Variants in BBS1 observed in about 807,000 individuals in gnomAD.
The protein encoded by BBS1 is Bardet-Biedl syndrome 1.
Under a neutral mutation model 73.9 loss-of-function variants are expected in BBS1, and 60 were observed. The ratio of observed to expected loss-of-function variants is 0.81; its 90% confidence interval spans 0.66 to 1.01. The LOEUF is 1.01. Ranked by LOEUF, BBS1 falls within the 50% of genes least tolerant of loss-of-function variation. The probability of loss-of-function intolerance (pLI) is 0.00; values close to 1 mark genes in which losing one functional copy is unlikely to be tolerated. For missense variants in BBS1, 718 were observed against 770.3 expected (o/e 0.93, Z 0.80); for synonymous variants, 283 against 317.4 (o/e 0.89, Z 1.15).
At position 66,532,173 on chromosome 11, in the gene BBS1, T is replaced by C; in HGVS notation, c.*136T>C. ...TCCCCTCTCTTAAGCACCCGCTTCC[T>C]CACCACCCCCACTGTTGGGCCTATA... On this transcript the variant is annotated 3_prime_UTR_variant, in exon 17 of 17. Transcript: ENST00000318312. 2 of 916,940 alleles carry C rather than the reference T, an allele frequency of 2.2e-6. No individual in the cohort carries two copies. The highest frequency in any genetic ancestry group is 2.4e-5 in the Admixed American group (1 of 41,788). The allele number at this position is 916,940 out of a possible 1,614,324, so 56.8% of individuals were successfully genotyped here. A position where few individuals can be genotyped will look rare whatever the true frequency, so the allele number is the denominator to read the frequency against.
In BBS1 at chr11:66,529,926, C is replaced by G. The variant is rs745656125; in HGVS notation, c.1447C>G (p.Arg483Gly). The change falls in exon 14 of 17, where the codon CGA (arginine) becomes GGA (glycine). Residue 483 changes from arginine (R) to glycine (G), a missense_variant. Transcript: ENST00000318312. ...CCTGAGCCCCCTGTCCACGACAGCC[C>G]GAGAGCCACTCAAGCTGCACGCCGT... ...SSLSPLSTTA[R>G]EPLKLHAVVQ... is the part of the protein sequence containing the mutation. 4 of 1,604,936 alleles carry G rather than the reference C, an allele frequency of 2.5e-6. No homozygotes were observed. The highest frequency in any genetic ancestry group is 3.4e-6 in the Non-Finnish European group (4 of 1,179,678).
intron 7 of BBS1, among the ~76,000 whole-genome samples, chr11:66,517,214 AAAAC>A (rs1485803141): frequency 6.6e-5 from 10 of 151,374 alleles, no homozygotes; most frequent in African/African-American, 2.4e-4. Context: ...AAAAAACCAA[AAAAC>A]AAAAAAAAAA....
chr11:66,515,824 G>A (rs1377388791), intron 6 of BBS1, 37 bp from the exon 7 acceptor site: 5 of 1,613,980 alleles, frequency 3.1e-6, no homozygotes, highest in African/African-American at 1.3e-5. Context: ...GGGCAGCGAG[G>A]CCGGGGCCTG....
At chr11:66,511,960 T>G (rs2134767147) in intron 3 of BBS1, among the ~76,000 whole-genome samples, 1 of 148,496 alleles carries the variant, frequency 6.7e-6, no homozygotes, top group East Asian at 1.9e-4. Flanking sequence ...ACCATGCCAC[T>G]ACACTCCAGC....
In BBS1 at chr11:66,526,666, A is replaced by G. The variant is rs1421044140; in HGVS notation, c.1198A>G (p.Lys400Glu). 6.2e-7 allele frequency: 1 copy of G among 1,614,230 alleles called. No individual in the cohort carries two copies. Residue 400 changes from lysine to glutamate, a missense_variant, in exon 13 of 17, where the codon AAG becomes GAG. Physicochemically the swap from Lys to Glu is moderately conservative, Grantham distance 56. Transcript: ENST00000318312. ...TTCCCTAGGTGGTGGCCTGATCATC[A>G]AGATCCTGAAGCGTACAGCAGTGTT... ...MTTRGGGLII[K>E]ILKRTAVFVE...
rs891087059 is a variant in BBS1, at chr11:66,532,265, C to A, written c.*228C>A. On this transcript the variant is annotated 3_prime_UTR_variant, in exon 17 of 17. Coordinates refer to ENST00000318312, the MANE Select transcript of BBS1 (RefSeq NM_024649.5). ...ACAGCACCAACCCAGCATGGTCCCA[C>A]TGAAGTCCTACTACGCCCTCCCCTC... 1.7e-6 allele frequency: 1 copy of A among 582,134 alleles called. No homozygotes were observed. The highest frequency in any genetic ancestry group is 1.9e-5 in the African/African-American group (1 of 53,608). The allele number at this position is 582,134 out of a possible 1,614,324, so 36.1% of individuals were successfully genotyped here. A position where few individuals can be genotyped will look rare whatever the true frequency, so the allele number is the denominator to read the frequency against.
intron 3 of BBS1, among the ~76,000 whole-genome samples, chr11:66,512,052 G>GTGTATATATA (rs1246765280): frequency 6.9e-6 from 1 of 144,770 alleles, no homozygotes; most frequent in South Asian, 2.1e-4. Context: ...GTATATATAT[G>GTGTATATATA]TGTATATATA....
chr11:66,527,114 CG>C, intron 13 of BBS1: 3 of 1,176,304 alleles, frequency 2.6e-6, no homozygotes, highest in Non-Finnish European at 2.4e-6. Flanking sequence ...TGGTGGCTCA[CG>C]CCTGTAATCC....
intron 1 of BBS1, 47 bp from the exon 2 acceptor site, chr11:66,510,965 TC>T (rs1204826791): frequency 6.2e-7 from 1 of 1,600,590 alleles, no homozygotes; most frequent in Non-Finnish European, 8.6e-7. Flanking sequence ...AGTTTTTTTT[TC>T]CCCTCCCATG....
chr11:66,520,224 G>A (rs1856160301), intron 8 of BBS1: 2 of 177,656 alleles, frequency 1.1e-5, no homozygotes, highest in Non-Finnish European at 2.4e-5. Context: ...TTTTCATGTA[G>A]CAGTATATCA....
At chr11:66,521,232 T>G in intron 8 of BBS1, 38 bp from the exon 9 acceptor site, 3 of 1,526,672 alleles carry the variant, frequency 2.0e-6, no homozygotes, top group Non-Finnish European at 2.7e-6. Flanking sequence ...GGACGGGGGC[T>G]CCAGAGAAAT....
rs1216447886 is a variant in BBS1, at chr11:66,515,560, C to G, written c.453C>G (p.Thr151=). ...CACAGGACCGAATCGACCCCTTAAC[C>G]CTGAAGGAGATGCTGGAGAGCATCC... ...QAKEDRIDPL[T]LKEMLESIRE... is the part of the protein sequence containing the mutation. Residue 151 remains threonine (T), a synonymous_variant, in exon 5 of 17, where the codon ACC becomes ACG. Coordinates refer to ENST00000318312, the MANE Select transcript of BBS1 (RefSeq NM_024649.5). The G allele has an allele frequency of 6.2e-7, 1 of 1,614,042 alleles. No individual in the cohort carries two copies. Among genetic ancestry groups the G allele is most frequent in the African/African-American group, 1.3e-5 (1 of 74,904 alleles).
At chr11:66,526,090 T>C (rs1470650701) in intron 11 of BBS1, 33 bp from the exon 12 acceptor site, 3 of 1,611,002 alleles carry the variant, frequency 1.9e-6, no homozygotes, top group Non-Finnish European at 2.5e-6. Context: ...CTCCAAGATA[T>C]TTCCCCAACT....
chr11:66,513,542 A>T (rs1401423971), intron 3 of BBS1, among the ~76,000 whole-genome samples: 2 of 152,128 alleles, frequency 1.3e-5, no homozygotes, highest in Non-Finnish European at 2.9e-5. Flanking sequence ...AGCCAGGTGT[A>T]GTGGCACACA....
At chr11:66,513,795 G>T (rs1590756014) in intron 3 of BBS1, among the ~76,000 whole-genome samples, 1 of 152,180 alleles carries the variant, frequency 6.6e-6, no homozygotes, top group East Asian at 1.9e-4. Context: ...CCCCCTTTCT[G>T]GCCGGAGCAC....
intron 11 of BBS1, 185 bp downstream of exon 11, chr11:66,524,067 G>A (rs1199943543): frequency 7.2e-6 from 6 of 838,356 alleles, no homozygotes; most frequent in African/African-American, 1.7e-5. Flanking sequence ...ATCACCTGAG[G>A]TAAGGAGTTC....
chr11:66,520,941 A>C (rs1381358123), intron 8 of BBS1: 1 of 375,462 alleles, frequency 2.7e-6, no homozygotes, highest in Non-Finnish European at 5.1e-6. Context: ...CTGGTCTTGA[A>C]CTCCTGAGCT....
Position 66,530,975 on chromosome 11 carries a change from G to T in BBS1, c.1555G>T (p.Val519Phe). ...AACCCGTCCTGTCCTGGGGCTGCTG[G>T]TCTGCTTCCTGTACAACGAGGCGCT... ...STTRPVLGLL[V>F]CFLYNEALYS... Residue 519 changes from valine to phenylalanine, a missense_variant, in exon 15 of 17, where the codon GTC (valine) becomes TTC (phenylalanine). Transcript: ENST00000318312. 6.2e-7 allele frequency: 1 copy of T among 1,614,232 alleles called. No homozygotes were observed. Among genetic ancestry groups the T allele is most frequent in the Middle Eastern group, 1.6e-4 (1 of 6,062 alleles).
chr11:66,514,669 G>A lies in BBS1; in HGVS notation c.423G>A (p.Gln141=), dbSNP rs760416603. ...PNPLEQDLWN[Q]AKEDRIDPLT... is the part of the protein sequence containing the mutation. The stretch of plus-strand genomic sequence containing the variant: ...CTCTGGAACAAGACCTTTGGAACCA[G>A]GCCAAAGAGGTAAATAAATAACATG... The change falls in exon 4 of 17, where the codon CAG becomes CAA. Residue 141 remains glutamine (Q), a synonymous_variant. Coordinates refer to ENST00000318312, the MANE Select transcript of BBS1 (RefSeq NM_024649.5). The A allele has an allele frequency of 5.6e-6, 9 of 1,611,704 alleles. No homozygotes were observed. In the South Asian group the frequency reaches 9.9e-5, roughly 18 times the overall value.
Sources: allele counts gnomAD v4.1 joint callset (sites outside exome capture counted in the v4.1 genomes callset), GRCh38; gene constraint gnomAD v4.1.1; transcripts MANE v1.5; gene names NCBI Gene and HGNC (gene_info 2026-07-23, HGNC 2026-07-21).